Variants in MBD2 observed in about 807,000 individuals in gnomAD.
MBD2 encodes the protein methyl-CpG binding domain protein 2, also known as methyl-CpG-binding domain protein 2.
MBD2 carries 9 observed loss-of-function variants against 39.3 expected under a neutral mutation model. That is an observed-to-expected ratio of 0.23 (90% CI 0.14 to 0.40). MBD2 has a LOEUF of 0.40. Ranked by LOEUF, MBD2 falls within the 10% of genes least tolerant of loss-of-function variation. The pLI, the probability that MBD2 is intolerant of heterozygous loss-of-function variation, is 1.00. For missense variants in MBD2, 458 were observed against 532.6 expected, an observed-to-expected ratio of 0.86 and a Z score of 1.38; for synonymous variants, 233 against 211.1, an observed-to-expected ratio of 1.10 and a Z score of -0.90.
chr18:54,181,703 C>T (rs2086253065), intron 3 of MBD2, among the ~76,000 whole-genome samples: 2 of 151,950 alleles, frequency 1.3e-5, no homozygotes, highest in African/African-American at 2.4e-5. Context: ...GGTTTCGCAT[C>T]TTGGCCAGGC....
intron 3 of MBD2, among the ~76,000 whole-genome samples, chr18:54,187,370 C>A (rs2086293002): frequency 6.6e-6 from 1 of 152,128 alleles, no homozygotes; most frequent in Non-Finnish European, 1.5e-5. Context: ...TATATACTTT[C>A]AAAATTCTCA....
At chr18:54,163,457 T>C (rs1394743237) in intron 5 of MBD2, among the ~76,000 whole-genome samples, 1 of 152,128 alleles carries the variant, frequency 6.6e-6, no homozygotes, top group African/African-American at 2.4e-5. Context: ...AAATGCAATA[T>C]AGTACAGTAT....
chr18:54,190,767 T>A (rs550282726), intron 2 of MBD2, among the ~76,000 whole-genome samples: 1 of 152,270 alleles, frequency 6.6e-6, no homozygotes, highest in East Asian at 1.9e-4. Context: ...CAACATTAAG[T>A]GAGGACTTAC....
At chr18:54,219,261 A>G (rs1460099867) in intron 1 of MBD2, among the ~76,000 whole-genome samples, 3 of 152,258 alleles carry the variant, frequency 2.0e-5, no homozygotes, top group African/African-American at 7.2e-5. Flanking sequence ...AGAAACTACA[A>G]AATGCATAGC....
chr18:54,201,995 G>A (rs1304089793), intron 2 of MBD2, among the ~76,000 whole-genome samples: 1 of 152,068 alleles, frequency 6.6e-6, no homozygotes, highest in Non-Finnish European at 1.5e-5. Flanking sequence ...AATGTAGCCT[G>A]TTTCAAAGTT....
At position 54,188,901 on chromosome 18, in the gene MBD2, T is replaced by A. The variant is rs771505040; in HGVS notation, c.813A>T (p.Pro271=). ...NHPSNKVKSD[P]QRMNEQPRQL... is the part of the protein sequence containing the mutation. Reference sequence around the variant, plus strand: ...GACGTGGCTGTTCATTCATTCGTTGTGGGTCTGATTTCACTTTATTACTAG... The same window carrying A: ...GACGTGGCTGTTCATTCATTCGTTGAGGGTCTGATTTCACTTTATTACTAG... Residue 271 remains proline, a synonymous_variant, in exon 3 of 7, where the codon CCA becomes CCT. Transcript: ENST00000256429. 4 of 1,608,242 alleles carry A rather than the reference T, an allele frequency of 2.5e-6. No homozygotes were observed. In the African/African-American group the frequency reaches 5.3e-5, roughly 21 times the overall value.
In MBD2 at chr18:54,177,925, C is replaced by A. The variant is rs369475312; in HGVS notation, c.840+10949G>T. 4.1e-3 allele frequency among the ~76,000 whole-genome samples: 599 copies of A among 144,858 alleles called. 4 individuals carry two copies. The highest frequency in any genetic ancestry group is 0.011 in the Middle Eastern group (3 of 262). On this transcript the variant is annotated intron_variant, in intron 3 of 6. Transcript: ENST00000256429. ...TATGATCATAGCTCGCTGCAACCTG[C>A]AACTCCGGGGCTCAAGGAATCCTCC...
At chr18:54,198,037 G>A in intron 2 of MBD2, among the ~76,000 whole-genome samples, 1 of 152,206 alleles carries the variant, frequency 6.6e-6, no homozygotes, top group Non-Finnish European at 1.5e-5. Context: ...TTCTCCATAG[G>A]TCAGGAATGT....
intron 3 of MBD2, among the ~76,000 whole-genome samples, chr18:54,181,585 C>T (rs1345190370): frequency 6.6e-6 from 1 of 152,080 alleles, no homozygotes; most frequent in Non-Finnish European, 1.5e-5. Flanking sequence ...CTACAACCTC[C>T]ACCTCCCAGG....
At chr18:54,169,630 G>C (rs912095908) in intron 3 of MBD2, among the ~76,000 whole-genome samples, 1 of 152,150 alleles carries the variant, frequency 6.6e-6, no homozygotes, top group South Asian at 2.1e-4. Flanking sequence ...CCCCCTCTAT[G>C]ATGGCTACCT....
At position 54,219,728 on chromosome 18, in the gene MBD2, T is replaced by C. The variant is rs192131827; in HGVS notation, c.542+4290A>G. 4.8e-4 allele frequency among the ~76,000 whole-genome samples: 73 copies of C among 152,324 alleles called. No homozygotes were observed. The East Asian group carries it at 0.014, about 28-fold the overall frequency. On this transcript the variant is annotated intron_variant, in intron 1 of 6. Coordinates refer to ENST00000256429, the MANE Select transcript of MBD2 (RefSeq NM_003927.5). Reference sequence around the variant, plus strand: ...AACCAAGGTGAGGGGAGGAGCATGGTTGAACCTCAGTGATTCAGAATTCAT... The same window carrying C: ...AACCAAGGTGAGGGGAGGAGCATGGCTGAACCTCAGTGATTCAGAATTCAT...
At chr18:54,212,538 T>C (rs1303131261) in intron 1 of MBD2, among the ~76,000 whole-genome samples, 1 of 152,144 alleles carries the variant, frequency 6.6e-6, no homozygotes, top group Non-Finnish European at 1.5e-5. Context: ...GAGTAGTAAA[T>C]TGGGATGGGG....
intron 2 of MBD2, among the ~76,000 whole-genome samples, chr18:54,189,286 C>A: frequency 6.8e-6 from 1 of 148,068 alleles, no homozygotes; most frequent in Non-Finnish European, 1.5e-5. Flanking sequence ...TGCAGTGGCG[C>A]GATCTAGGCT....
intron 5 of MBD2, among the ~76,000 whole-genome samples, chr18:54,161,083 C>T (rs1165983395): frequency 6.6e-6 from 1 of 152,090 alleles, no homozygotes; most frequent in Non-Finnish European, 1.5e-5. Context: ...AGAAGATTGC[C>T]CTAAGGGTCC....
At position 54,224,224 on chromosome 18, in the gene MBD2, G is replaced by A; in HGVS notation, c.336C>T (p.Gly112=). ...SGLGGDGGGC[G]GGGSGGGGAP... is the part of the protein sequence containing the mutation. ...CGCCGCCGCCACCGCTGCCGCCGCC[G>A]CCGCAGCCGCCGCCGTCGCCGCCAA... Residue 112 remains glycine (G), a synonymous_variant, in exon 1 of 7, where the codon GGC becomes GGT. Transcript: ENST00000256429. 1 of 1,050,028 alleles carries A rather than the reference G, an allele frequency of 9.5e-7. No homozygotes were observed. Among genetic ancestry groups the A allele is most frequent in the Non-Finnish European group, 1.1e-6 (1 of 873,578 alleles). 65.0% of individuals were successfully genotyped at this position (1,050,028 alleles called of 1,614,324 possible).
chr18:54,176,088 GT>G (rs1203491627), intron 3 of MBD2, among the ~76,000 whole-genome samples: 3 of 152,218 alleles, frequency 2.0e-5, no homozygotes, highest in Non-Finnish European at 2.9e-5. Flanking sequence ...CATTTTTAGA[GT>G]TTTATCTGCA....
At chr18:54,159,664 C>T (rs928720582) in intron 6 of MBD2, 101 bp downstream of exon 6, 30 of 1,359,528 alleles carry the variant, frequency 2.2e-5, no homozygotes, top group Admixed American at 7.5e-5. Context: ...ACTGATCGCC[C>T]GCCTCAGCCA....
intron 1 of MBD2, among the ~76,000 whole-genome samples, chr18:54,212,811 C>CT (rs1232542124): frequency 6.6e-6 from 1 of 151,932 alleles, no homozygotes; most frequent in African/African-American, 2.4e-5. Flanking sequence ...GGACAGATCA[C>CT]TTAAGCCATG....
intron 5 of MBD2, among the ~76,000 whole-genome samples, chr18:54,163,041 A>C (rs558113231): frequency 3.3e-5 from 5 of 152,278 alleles, no homozygotes; most frequent in South Asian, 2.1e-4. Context: ...TGGAAGGCTG[A>C]GGCAGGCGGA....
Sources: gnomAD v4.1 joint callset for allele counts (sites outside exome capture counted in the v4.1 genomes callset) on GRCh38, gnomAD v4.1.1 for gene constraint, MANE v1.5 for transcripts, NCBI Gene and HGNC (gene_info 2026-07-23, HGNC 2026-07-21) for gene names.